Variants in HTR4 observed in about 807,000 individuals in gnomAD.
The protein encoded by HTR4 is 5-hydroxytryptamine receptor 4.
HTR4 carries 16 observed loss-of-function variants against 36.8 expected under a neutral mutation model. That is an observed-to-expected ratio of 0.43 (90% CI 0.29 to 0.66). HTR4 has a LOEUF of 0.66. Among genes scored for constraint, HTR4 ranks in the 30% least tolerant of loss-of-function variants. The probability of loss-of-function intolerance (pLI) is 0.13; values close to 1 mark genes in which losing one functional copy is unlikely to be tolerated. For synonymous variants in HTR4, 189 were observed against 185.1 expected (o/e 1.02, Z -0.17); for missense variants, 438 against 490.9 (o/e 0.89, Z 1.02).
chr5:148,647,851 A>C (rs1427401847), intron 1 of HTR4, among the ~76,000 whole-genome samples: 1 of 152,206 alleles, frequency 6.6e-6, no homozygotes, highest in Admixed American at 6.5e-5. Context: ...TCCATCTCAG[A>C]AACAAAACAA....
At chr5:148,568,437 A>G (rs962511265) in intron 2 of HTR4, among the ~76,000 whole-genome samples, 1 of 152,162 alleles carries the variant, frequency 6.6e-6, no homozygotes, top group Non-Finnish European at 1.5e-5. Flanking sequence ...TTACTTATTT[A>G]CCATGCTTGG....
intron 6 of HTR4, among the ~76,000 whole-genome samples, chr5:148,501,196 C>A (rs1157605858): frequency 1.3e-5 from 2 of 151,948 alleles, no homozygotes; most frequent in Non-Finnish European, 2.9e-5. Context: ...GCTATATTTT[C>A]CCCAGTGAAA....
At chr5:148,594,590 C>T (rs1485933829) in intron 2 of HTR4, among the ~76,000 whole-genome samples, 1 of 152,114 alleles carries the variant, frequency 6.6e-6, no homozygotes, top group Non-Finnish European at 1.5e-5. Flanking sequence ...CATTTAGAGA[C>T]TTTAATACTG....
chr5:148,631,021 T>C (rs1255081783), intron 2 of HTR4, among the ~76,000 whole-genome samples: 1 of 152,150 alleles, frequency 6.6e-6, no homozygotes, highest in Non-Finnish European at 1.5e-5. Context: ...ATGTAGAAGA[T>C]TACTAGCTTA....
At chr5:148,556,327 A>G (rs1990933) in intron 2 of HTR4, among the ~76,000 whole-genome samples, 81,103 of 151,736 alleles carry the variant, frequency 0.53, 22,666 homozygotes, top group African/African-American at 0.71. Context: ...CCCAGACTTT[A>G]TTGTTATTTT....
chr5:148,546,596 C>A (rs918426531), intron 4 of HTR4, among the ~76,000 whole-genome samples: 1 of 152,190 alleles, frequency 6.6e-6, no homozygotes, highest in East Asian at 1.9e-4. Context: ...CTGCCCACAG[C>A]AAACTCTCCA....
At chr5:148,491,315 G>T (rs946643302) in intron 6 of HTR4, among the ~76,000 whole-genome samples, 1 of 151,868 alleles carries the variant, frequency 6.6e-6, no homozygotes, top group African/African-American at 2.4e-5. Flanking sequence ...CTTCTACGGC[G>T]CTATATATTT....
chr5:148,623,462 G>A (rs1423428140), intron 2 of HTR4, among the ~76,000 whole-genome samples: 1 of 152,054 alleles, frequency 6.6e-6, no homozygotes, highest in East Asian at 1.9e-4. Flanking sequence ...GGGGAGTAAA[G>A]GGGCAGAGGA....
intron 2 of HTR4, among the ~76,000 whole-genome samples, chr5:148,588,701 C>G (rs899308262): frequency 1.3e-5 from 2 of 150,448 alleles, no homozygotes; most frequent in African/African-American, 4.9e-5. Flanking sequence ...CCACCGCGCC[C>G]GGCTAATTTT....
intron 4 of HTR4, among the ~76,000 whole-genome samples, chr5:148,534,542 A>G (rs1189001755): frequency 6.6e-6 from 1 of 152,188 alleles, no homozygotes; most frequent in Admixed American, 6.5e-5. Context: ...GGCAACTGAA[A>G]GCCTCTCTGC....
chr5:148,623,208 A>T (rs1752976616), intron 2 of HTR4, among the ~76,000 whole-genome samples: 1 of 152,108 alleles, frequency 6.6e-6, no homozygotes, highest in South Asian at 2.1e-4. Context: ...CTAAACCACA[A>T]TTACCTGCTT....
At chr5:148,556,527 G>C (rs1030238532) in intron 2 of HTR4, among the ~76,000 whole-genome samples, 3 of 152,274 alleles carry the variant, frequency 2.0e-5, no homozygotes, top group Middle Eastern at 3.4e-3. Flanking sequence ...CAATAGTAAA[G>C]AAAATGGACA....
chr5:148,512,712 C>CTTGAGGCCAGGAGT (rs1188091082), intron 5 of HTR4, among the ~76,000 whole-genome samples: 1 of 152,176 alleles, frequency 6.6e-6, no homozygotes, highest in East Asian at 1.9e-4. Flanking sequence ...AGGCAAATCA[C>CTTGAGGCCAGGAGT]TTGAGGCCAG....
At chr5:148,509,092 C>A (rs1048311868) in intron 6 of HTR4, among the ~76,000 whole-genome samples, 4 of 152,162 alleles carry the variant, frequency 2.6e-5, no homozygotes, top group African/African-American at 9.7e-5. Flanking sequence ...TGTTAAGTGT[C>A]AGGCTCTGTA....
intron 2 of HTR4, among the ~76,000 whole-genome samples, chr5:148,611,372 T>C (rs1166077686): frequency 6.6e-6 from 1 of 151,198 alleles, no homozygotes; most frequent in Admixed American, 6.6e-5. Context: ...GGGCCAATAT[T>C]CAACATTCTT....
At chr5:148,653,645 T>C (rs1320694097) in intron 1 of HTR4, among the ~76,000 whole-genome samples, 1 of 151,790 alleles carries the variant, frequency 6.6e-6, no homozygotes, top group Non-Finnish European at 1.5e-5. Flanking sequence ...CACTCTGGGC[T>C]GCACATCAAG....
At chr5:148,628,505 T>C (rs1753204428) in intron 2 of HTR4, 1 of 152,224 alleles carries the variant, frequency 6.6e-6, no homozygotes, top group South Asian at 2.1e-4. Context: ...ATTGTCATGG[T>C]TGAGTGACAT....
chr5:148,467,959 G>C (rs959793143), intron 5 of HTR4, among the ~76,000 whole-genome samples: 1 of 152,172 alleles, frequency 6.6e-6, no homozygotes, highest in Non-Finnish European at 1.5e-5. Flanking sequence ...CCACTTCCCA[G>C]ACAATGTAGA....
At chr5:148,502,547 A>T (rs1199856877) in intron 6 of HTR4, among the ~76,000 whole-genome samples, 1 of 152,206 alleles carries the variant, frequency 6.6e-6, no homozygotes, top group East Asian at 1.9e-4. Context: ...AAGATGGGGA[A>T]AAAACAGAGC....
Sources: gnomAD v4.1 joint callset for allele counts (sites outside exome capture counted in the v4.1 genomes callset) on GRCh38, gnomAD v4.1.1 for gene constraint, MANE v1.5 for transcripts, NCBI Gene and HGNC (gene_info 2026-07-23, HGNC 2026-07-21) for gene names.